Variants in ARHGAP15 observed in about 807,000 individuals in gnomAD.
ARHGAP15 encodes Rho GTPase activating protein 15.
Under a neutral mutation model 63.7 loss-of-function variants are expected in ARHGAP15, and 51 were observed. The ratio of observed to expected loss-of-function variants is 0.80; its 90% CI spans 0.64 to 1.01. ARHGAP15 has a LOEUF of 1.01. ARHGAP15 is among the 50% of genes least tolerant of loss of function. The probability of loss-of-function intolerance (pLI) is 0.00; values close to 1 mark genes in which losing one functional copy is unlikely to be tolerated. For missense variants in ARHGAP15, 560 were observed against 564.6 expected (o/e 0.99, Z 0.08); for synonymous variants, 191 against 193.8 (o/e 0.99, Z 0.12).
intron 12 of ARHGAP15, among the ~76,000 whole-genome samples, chr2:143,701,307 T>C (rs191391669): frequency 5.4e-4 from 83 of 152,336 alleles, no homozygotes; most frequent in African/African-American, 1.9e-3. Flanking sequence ...CTTATCCTAC[T>C]GTCATAAAGT....
intron 13 of ARHGAP15, among the ~76,000 whole-genome samples, chr2:143,743,572 C>G (rs987736499): frequency 6.6e-6 from 1 of 152,148 alleles, no homozygotes; most frequent in African/African-American, 2.4e-5. Context: ...ACTCCTGTGG[C>G]CTCTCTCTGC....
chr2:143,276,841 C>T (rs1418609053), intron 6 of ARHGAP15, among the ~76,000 whole-genome samples: 2 of 152,162 alleles, frequency 1.3e-5, no homozygotes, highest in Admixed American at 1.3e-4. Context: ...ACCATAGTTT[C>T]TTGCATGGTG....
chr2:143,216,166 C>T (rs1433495997), intron 3 of ARHGAP15, among the ~76,000 whole-genome samples: 9 of 152,198 alleles, frequency 5.9e-5, no homozygotes, highest in Admixed American at 5.9e-4. Flanking sequence ...TCTAACAAAT[C>T]ATTCACATTC....
chr2:143,330,008 C>T (rs1306813076), intron 6 of ARHGAP15, among the ~76,000 whole-genome samples: 1 of 140,918 alleles, frequency 7.1e-6, no homozygotes, highest in Non-Finnish European at 1.5e-5. Flanking sequence ...AGGAGAATCG[C>T]TTGAGCCCAG....
intron 8 of ARHGAP15, among the ~76,000 whole-genome samples, chr2:143,458,007 CAA>C (rs1454317770): frequency 6.6e-6 from 1 of 151,362 alleles, no homozygotes; most frequent in African/African-American, 2.4e-5. Flanking sequence ...ACATGTAAAA[CAA>C]AAAAATATTA....
intron 12 of ARHGAP15, among the ~76,000 whole-genome samples, chr2:143,650,486 C>G (rs1237798148): frequency 3.9e-5 from 6 of 151,912 alleles, no homozygotes; most frequent in Non-Finnish European, 8.8e-5. Context: ...CTATACCTTA[C>G]AGTACCTTCC....
intron 12 of ARHGAP15, among the ~76,000 whole-genome samples, chr2:143,664,443 T>A (rs28809530): frequency 0.25 from 37,710 of 151,444 alleles, 5,775 homozygotes; most frequent in Admixed American, 0.36. Context: ...TTTATAGCAC[T>A]AAATGCCCAC....
intron 6 of ARHGAP15, among the ~76,000 whole-genome samples, chr2:143,384,844 C>G (rs1687208183): frequency 6.6e-6 from 1 of 152,154 alleles, no homozygotes; most frequent in Non-Finnish European, 1.5e-5. Flanking sequence ...GATACCTTAC[C>G]TTACCCCATT....
At chr2:143,287,713 G>T (rs917857564) in intron 6 of ARHGAP15, among the ~76,000 whole-genome samples, 5 of 152,082 alleles carry the variant, frequency 3.3e-5, no homozygotes, top group African/African-American at 1.2e-4. Context: ...TGAGGCAGGA[G>T]AATTGCTTGC....
At chr2:143,697,054 A>T (rs1281110902) in intron 12 of ARHGAP15, among the ~76,000 whole-genome samples, 2 of 152,176 alleles carry the variant, frequency 1.3e-5, no homozygotes, top group Non-Finnish European at 2.9e-5. Flanking sequence ...CAAATTGCCA[A>T]CTACGGGCTA....
chr2:143,679,336 T>C (rs889774995), intron 12 of ARHGAP15, among the ~76,000 whole-genome samples: 9 of 152,198 alleles, frequency 5.9e-5, no homozygotes, highest in African/African-American at 1.9e-4. Flanking sequence ...TAGCCATGAA[T>C]TACTAGAATG....
chr2:143,512,222 T>C (rs936910034), intron 9 of ARHGAP15, among the ~76,000 whole-genome samples: 9 of 152,232 alleles, frequency 5.9e-5, no homozygotes, highest in Non-Finnish European at 8.8e-5. Context: ...CTTCATAGTT[T>C]AATATCTCTC....
intron 11 of ARHGAP15, among the ~76,000 whole-genome samples, chr2:143,600,091 A>G (rs772264727): frequency 8.5e-5 from 13 of 152,188 alleles, no homozygotes; most frequent in Non-Finnish European, 1.6e-4. Context: ...GGATGGTACT[A>G]AACACATGGA....
chr2:143,600,129 G>T (rs1179393374), intron 11 of ARHGAP15, among the ~76,000 whole-genome samples: 1 of 152,104 alleles, frequency 6.6e-6, no homozygotes, highest in East Asian at 1.9e-4. Context: ...AATTTTTCTT[G>T]TCGGCCTGAT....
intron 1 of ARHGAP15, among the ~76,000 whole-genome samples, chr2:143,140,214 A>G (rs988759683): frequency 2.0e-5 from 3 of 152,142 alleles, no homozygotes; most frequent in African/African-American, 7.2e-5. Flanking sequence ...CATTTTCTCA[A>G]TACAGCTGTG....
chr2:143,702,863 G>A (rs544958389), intron 12 of ARHGAP15, among the ~76,000 whole-genome samples: 1 of 151,980 alleles, frequency 6.6e-6, no homozygotes, highest in African/African-American at 2.4e-5. Context: ...AAGGATCTTT[G>A]TGATTCCACT....
At chr2:143,581,900 G>T (rs892618987) in intron 11 of ARHGAP15, among the ~76,000 whole-genome samples, 1 of 152,074 alleles carries the variant, frequency 6.6e-6, no homozygotes, top group African/African-American at 2.4e-5. Flanking sequence ...GGTGGGGAGG[G>T]TAAAGGGAGG....
chr2:143,287,506 G>A (rs974129027), intron 6 of ARHGAP15, among the ~76,000 whole-genome samples: 1 of 151,944 alleles, frequency 6.6e-6, no homozygotes, highest in Non-Finnish European at 1.5e-5. Context: ...CTCTGATCTT[G>A]TTTAAAGAAA....
chr2:143,615,218 C>A lies in ARHGAP15; in HGVS notation c.1004-8915C>A, dbSNP rs78976358. On this transcript the variant is annotated intron_variant, in intron 11 of 13. Coordinates refer to ENST00000295095, the MANE Select transcript of ARHGAP15 (RefSeq NM_018460.4). ...TTTGGTTGTCTTAATTGACAACTAA[C>A]AGATGTCTTATCTGGGGATAACATA... is the stretch of plus-strand genomic sequence containing the variant. 3.9e-3 allele frequency among the ~76,000 whole-genome samples: 589 copies of A among 152,262 alleles called. 7 individuals carry two copies. The highest frequency in any genetic ancestry group is 0.018 in the Admixed American group (268 of 15,290).
Sources: gnomAD v4.1 joint callset for allele counts (sites outside exome capture counted in the v4.1 genomes callset) on GRCh38, gnomAD v4.1.1 for gene constraint, MANE v1.5 for transcripts, NCBI Gene and HGNC (gene_info 2026-07-23, HGNC 2026-07-21) for gene names.